The following TTC7B variants were observed in gnomAD, a reference collection of about 807,000 sequenced individuals.
TTC7B encodes tetratricopeptide repeat domain 7B, also known as tetratricopeptide repeat protein 7B.
TTC7B carries 28 observed loss-of-function variants against 106.8 expected under a neutral mutation model. The ratio of observed to expected loss-of-function variants is 0.26; its 90% CI spans 0.19 to 0.36. The LOEUF (loss-of-function observed/expected upper bound fraction) is 0.36, where lower values mean the gene tolerates loss of function less well. Among genes scored for constraint, TTC7B ranks in the 10% least tolerant of loss-of-function variants. The pLI, the probability that TTC7B is intolerant of heterozygous loss-of-function variation, is 1.00. For synonymous variants in TTC7B, 405 were observed against 430.6 expected (o/e 0.94, Z 0.74); for missense variants, 862 against 1,076.4 (o/e 0.80, Z 2.79).
chr14:90,602,322 C>A, intron 17 of TTC7B: 1 of 422,134 alleles, frequency 2.4e-6, no homozygotes, highest in Non-Finnish European at 4.8e-6. Flanking sequence ...GACTGTCGTC[C>A]AAATATATTT....
At chr14:90,798,709 CAAAA>C (rs36223089) in intron 1 of TTC7B, among the ~76,000 whole-genome samples, 1 of 52,312 alleles carries the variant, frequency 1.9e-5, no homozygotes, top group African/African-American at 6.0e-5. Context: ...GACTCCATCT[CAAAA>C]AAAAAAAAAA....
At chr14:90,771,290 G>A (rs1890855106) in intron 3 of TTC7B, among the ~76,000 whole-genome samples, 1 of 152,050 alleles carries the variant, frequency 6.6e-6, no homozygotes, top group African/African-American at 2.4e-5. Flanking sequence ...TGTTTCATGG[G>A]CAGCTATTAC....
At chr14:90,812,142 C>T (rs2030929613) in intron 1 of TTC7B, among the ~76,000 whole-genome samples, 1 of 152,172 alleles carries the variant, frequency 6.6e-6, no homozygotes, top group African/African-American at 2.4e-5. Flanking sequence ...TGAGAGTGGG[C>T]ATTCTGAGCT....
chr14:90,613,044 C>T (rs1892939665), intron 16 of TTC7B, among the ~76,000 whole-genome samples: 1 of 152,180 alleles, frequency 6.6e-6, no homozygotes, highest in South Asian at 2.1e-4. Flanking sequence ...AGTGTGTACG[C>T]AACAATCAAC....
intron 9 of TTC7B, among the ~76,000 whole-genome samples, chr14:90,664,796 G>A (rs1886346590): frequency 6.6e-6 from 1 of 152,212 alleles, no homozygotes; most frequent in African/African-American, 2.4e-5. Flanking sequence ...TCCCAGCCAT[G>A]GGGTTGTAAT....
chr14:90,772,661 A>G (rs1174627341), intron 3 of TTC7B: 2 of 152,332 alleles, frequency 1.3e-5, no homozygotes, highest in Admixed American at 6.5e-5. Flanking sequence ...TATAAAACAC[A>G]TGTATTTTGT....
At chr14:90,782,326 C>A (rs1172158475) in intron 2 of TTC7B, among the ~76,000 whole-genome samples, 1 of 152,234 alleles carries the variant, frequency 6.6e-6, no homozygotes, top group Admixed American at 6.5e-5. Context: ...AGGCCGAGTG[C>A]GGTGGCTCAC....
At chr14:90,798,539 C>G (rs112222486) in intron 1 of TTC7B, among the ~76,000 whole-genome samples, 1 of 151,940 alleles carries the variant, frequency 6.6e-6, no homozygotes, top group Non-Finnish European at 1.5e-5. Context: ...GGCAAAACCC[C>G]GTTTCTACTA....
intron 19 of TTC7B, among the ~76,000 whole-genome samples, chr14:90,560,619 C>A (rs770864802): frequency 6.6e-6 from 1 of 152,258 alleles, no homozygotes; most frequent in Non-Finnish European, 1.5e-5. Flanking sequence ...CCTCAGAACA[C>A]TTCCCACATC....
intron 19 of TTC7B, among the ~76,000 whole-genome samples, chr14:90,557,245 C>A (rs1033194678): frequency 2.0e-5 from 3 of 152,148 alleles, no homozygotes; most frequent in African/African-American, 7.2e-5. Context: ...AAAGGCCTGT[C>A]CCCAGTTATC....
At chr14:90,609,341 C>T (rs770787909) in intron 17 of TTC7B, among the ~76,000 whole-genome samples, 2 of 152,230 alleles carry the variant, frequency 1.3e-5, no homozygotes, top group African/African-American at 4.8e-5. Flanking sequence ...AATCTTTTTA[C>T]CCAGGAGCTG....
intron 19 of TTC7B, among the ~76,000 whole-genome samples, chr14:90,546,670 C>T (rs1469557490): frequency 1.3e-5 from 2 of 152,246 alleles, no homozygotes; most frequent in Non-Finnish European, 2.9e-5. Context: ...AGCCATCAGC[C>T]TGCAGGAGGC....
chr14:90,562,368 C>T (rs1180743083), intron 19 of TTC7B, among the ~76,000 whole-genome samples: 1 of 152,208 alleles, frequency 6.6e-6, no homozygotes, highest in Non-Finnish European at 1.5e-5. Flanking sequence ...AATACTCCCA[C>T]CTTGGACTGT....
At chr14:90,633,128 T>C (rs1245573404) in intron 15 of TTC7B, among the ~76,000 whole-genome samples, 1 of 152,196 alleles carries the variant, frequency 6.6e-6, no homozygotes, top group African/African-American at 2.4e-5. Flanking sequence ...TCATCTGATG[T>C]CTTATAGTTA....
chr14:90,685,721 G>A (rs147212456), intron 7 of TTC7B, among the ~76,000 whole-genome samples: 183 of 152,172 alleles, frequency 1.2e-3, no homozygotes, highest in African/African-American at 4.2e-3. Flanking sequence ...ACAACTGTAC[G>A]GAAGCAACTT....
intron 15 of TTC7B, among the ~76,000 whole-genome samples, chr14:90,618,538 T>C (rs754098977): frequency 3.3e-5 from 5 of 152,224 alleles, no homozygotes; most frequent in Non-Finnish European, 7.3e-5. Flanking sequence ...GCCTCCGGCA[T>C]AGGCCCTCAG....
intron 19 of TTC7B, among the ~76,000 whole-genome samples, chr14:90,562,180 G>A (rs995030123): frequency 3.9e-5 from 6 of 152,092 alleles, no homozygotes; most frequent in Non-Finnish European, 8.8e-5. Flanking sequence ...ACCCCGGTCA[G>A]CCCACCTCCA....
chr14:90,754,970 T>G (rs1314152664), intron 3 of TTC7B, among the ~76,000 whole-genome samples: 1 of 152,242 alleles, frequency 6.6e-6, no homozygotes, highest in African/African-American at 2.4e-5. Flanking sequence ...CATTTTAAAC[T>G]GATCACTTCA....
chr14:90,708,524 G>C (rs943276632), intron 5 of TTC7B, among the ~76,000 whole-genome samples: 3 of 152,174 alleles, frequency 2.0e-5, no homozygotes, highest in Non-Finnish European at 4.4e-5. Context: ...CTGGATGAAA[G>C]CACATCTGTT....
Sources: gnomAD v4.1 joint callset for allele counts (sites outside exome capture counted in the v4.1 genomes callset) on GRCh38, gnomAD v4.1.1 for gene constraint, MANE v1.5 for transcripts, NCBI Gene and HGNC (gene_info 2026-07-23, HGNC 2026-07-21) for gene names.